Variants in DROSHA observed in about 807,000 individuals in gnomAD.
DROSHA encodes ribonuclease 3.
A neutral mutation model predicts 181.9 loss-of-function variants in DROSHA; 56 were observed. The ratio of observed to expected loss-of-function variants is 0.31; its 90% confidence interval spans 0.25 to 0.38. The LOEUF (loss-of-function observed/expected upper bound fraction) is 0.38, where lower values mean the gene tolerates loss of function less well. DROSHA is among the 10% of genes least tolerant of loss of function. The pLI is 1.00. For synonymous variants in DROSHA, 524 were observed against 591.2 expected (o/e 0.89, Z 1.65); for missense variants, 1,218 against 1,743.5 (o/e 0.70, Z 5.37).
At chr5:31,494,864 T>C (rs10073784) in intron 12 of DROSHA, among the ~76,000 whole-genome samples, 144,641 of 151,676 alleles carry the variant, frequency 0.95, 69,225 homozygotes, top group East Asian at 1. Context: ...TTAGTAGAGA[T>C]GGGGTTTCAC....
chr5:31,472,829 G>C (rs1487329060), intron 16 of DROSHA, among the ~76,000 whole-genome samples: 1 of 152,182 alleles, frequency 6.6e-6, no homozygotes, highest in East Asian at 1.9e-4. Flanking sequence ...AAAAAACCAA[G>C]TGCTCTGAGG....
At chr5:31,493,113 AG>A in intron 13 of DROSHA, 93 bp downstream of exon 13, 1 of 1,247,956 alleles carries the variant, frequency 8.0e-7, no homozygotes, top group Non-Finnish European at 1.1e-6. Context: ...AATGTTTCTT[AG>A]GAGGCAGATG....
At chr5:31,521,317 A>C in intron 5 of DROSHA, 102 bp from the exon 6 acceptor site, 1 of 1,287,974 alleles carries the variant, frequency 7.8e-7, no homozygotes, top group Non-Finnish European at 1.1e-6. Context: ...CACATCTAGG[A>C]ATTTTTCAGG....
At chr5:31,502,363 T>C (rs1753663785) in intron 11 of DROSHA, among the ~76,000 whole-genome samples, 1 of 152,228 alleles carries the variant, frequency 6.6e-6, no homozygotes, top group South Asian at 2.1e-4. Flanking sequence ...TGCTGGTCCC[T>C]GACGTTCTGA....
chr5:31,499,395 G>A lies in DROSHA; in HGVS notation c.1669-4023C>T, dbSNP rs1753339114. On this transcript the variant is annotated intron_variant, in intron 11 of 35. Coordinates refer to ENST00000344624, the MANE Select transcript of DROSHA (RefSeq NM_001382508.1). ...ACCCAATAAAACAGCAAATAAGATG[G>A]TGTTTTGGAGCTCAATCGCCTCTCA... is the stretch of plus-strand genomic sequence containing the variant. 2.0e-5 allele frequency among the ~76,000 whole-genome samples: 3 copies of A among 152,148 alleles called. No homozygotes were observed. The South Asian group carries it at 6.2e-4, about 32-fold the overall frequency.
chr5:31,464,057 A>C, intron 20 of DROSHA, 179 bp downstream of exon 20: 5 of 621,536 alleles, frequency 8.0e-6, no homozygotes, highest in Non-Finnish European at 1.4e-5. Flanking sequence ...ACACACCAGC[A>C]TCAAAACAGA....
chr5:31,446,786 TC>T (rs1488847297), intron 23 of DROSHA, among the ~76,000 whole-genome samples: 1 of 151,116 alleles, frequency 6.6e-6, no homozygotes, highest in Non-Finnish European at 1.5e-5. Context: ...AGGCCTGTAA[TC>T]CCAGCACTTT....
At chr5:31,507,347 C>T (rs149972118) in intron 10 of DROSHA, among the ~76,000 whole-genome samples, 1 of 151,722 alleles carries the variant, frequency 6.6e-6, no homozygotes, top group African/African-American at 2.4e-5. Context: ...ATACTCCCAG[C>T]TACTCAGGAG....
At position 31,472,748 on chromosome 5, in the gene DROSHA, T is replaced by A. The variant is rs529434512; in HGVS notation, c.2072-516A>T. On this transcript the variant is annotated intron_variant, in intron 16 of 35. Transcript: ENST00000344624. Reference sequence around the variant, plus strand: ...TTTTTTGGTGCTAATGTGCTGCACCTGCCATGATGAACAGAGCTAAAGAGC... The same window carrying A: ...TTTTTTGGTGCTAATGTGCTGCACCAGCCATGATGAACAGAGCTAAAGAGC... 3.3e-5 allele frequency among the ~76,000 whole-genome samples: 5 copies of A among 152,300 alleles called. No homozygotes were observed. In the South Asian group the frequency reaches 1.0e-3, roughly 32 times the overall value.
At chr5:31,464,040 TAC>T (rs1748738045) in intron 20 of DROSHA, 194 bp downstream of exon 20, 102 of 583,528 alleles carry the variant, frequency 1.7e-4, no homozygotes, top group Admixed American at 2.2e-4. Flanking sequence ...AAATACAACA[TAC>T]ACACACACAC....
At chr5:31,442,335 C>A (rs533294182) in intron 23 of DROSHA, among the ~76,000 whole-genome samples, 1 of 152,164 alleles carries the variant, frequency 6.6e-6, no homozygotes, top group Non-Finnish European at 1.5e-5. Flanking sequence ...CCTAAGCCAA[C>A]GGTTTATCTG....
chr5:31,472,813 A>C (rs1749886906), intron 16 of DROSHA, among the ~76,000 whole-genome samples: 1 of 152,268 alleles, frequency 6.6e-6, no homozygotes, highest in South Asian at 2.1e-4. Context: ...GAGTTAGTAC[A>C]TGGAAAAAAA....
intron 9 of DROSHA, among the ~76,000 whole-genome samples, chr5:31,510,197 G>A (rs1235093208): frequency 1.3e-5 from 2 of 152,126 alleles, no homozygotes; most frequent in African/African-American, 2.4e-5. Flanking sequence ...CCAACATGGA[G>A]TTGTATTTAC....
intron 28 of DROSHA, among the ~76,000 whole-genome samples, chr5:31,423,950 G>T (rs1195805186): frequency 6.6e-6 from 1 of 152,086 alleles, no homozygotes; most frequent in Non-Finnish European, 1.5e-5. Flanking sequence ...TAATTTACAG[G>T]TTTTATACAC....
chr5:31,446,177 T>G (rs1746222501), intron 23 of DROSHA, among the ~76,000 whole-genome samples: 1 of 152,138 alleles, frequency 6.6e-6, no homozygotes. Flanking sequence ...CCGGGCGTGG[T>G]GGCTCACGCC....
rs369169610 is a variant in DROSHA, at chr5:31,417,072, G to T, written c.3525+4200C>A. Among the ~76,000 whole-genome samples, 4 of 152,182 alleles carry T rather than the reference G, an allele frequency of 2.6e-5. No individual in the cohort carries two copies. The East Asian group carries it at 5.8e-4, about 22-fold the overall frequency. On this transcript the variant is annotated intron_variant, in intron 30 of 35. Transcript: ENST00000344624. ...GGCATGAGAGGTTCCAGGCTGAGGA[G>T]GTGTGCTAGGGACAAGGGGAAGTGG...
intron 30 of DROSHA, among the ~76,000 whole-genome samples, chr5:31,417,893 T>C (rs191220794): frequency 6.6e-6 from 1 of 152,142 alleles, no homozygotes; most frequent in Non-Finnish European, 1.5e-5. Flanking sequence ...TGAGTTGACA[T>C]AGGAAGACCA....
At chr5:31,498,320 T>C (rs1485042356) in intron 11 of DROSHA, among the ~76,000 whole-genome samples, 3 of 152,206 alleles carry the variant, frequency 2.0e-5, no homozygotes, top group Non-Finnish European at 4.4e-5. Context: ...AGGATCTTTC[T>C]AGATCTAGAA....
At position 31,492,159 on chromosome 5, in the gene DROSHA, T is replaced by C. The variant is rs530750949; in HGVS notation, c.1842+1048A>G. ...CCGAAGAAAAATGTAATATATATTATGAAATGATTTTATTTTTACATTACA... is the reference window on the plus strand; with the variant it reads ...CCGAAGAAAAATGTAATATATATTACGAAATGATTTTATTTTTACATTACA... On this transcript the variant is annotated intron_variant, in intron 13 of 35. Coordinates refer to ENST00000344624, the MANE Select transcript of DROSHA (RefSeq NM_001382508.1). Among the ~76,000 whole-genome samples, 92 of 152,376 alleles carry C rather than the reference T, an allele frequency of 6.0e-4. 1 individual carries two copies. The highest frequency in any genetic ancestry group is 1.7e-3 in the South Asian group (8 of 4,828).
Sources: allele counts gnomAD v4.1 joint callset (sites outside exome capture counted in the v4.1 genomes callset), GRCh38; gene constraint gnomAD v4.1.1; transcripts MANE v1.5; gene names NCBI Gene and HGNC (gene_info 2026-07-23, HGNC 2026-07-21).